Variants in VAV3 observed in about 807,000 individuals in gnomAD.
The protein encoded by VAV3 is vav guanine nucleotide exchange factor 3, also known as guanine nucleotide exchange factor VAV3.
VAV3 carries 94 observed loss-of-function variants against 131.2 expected under a neutral mutation model. That is an observed-to-expected ratio of 0.72 (90% confidence interval 0.61 to 0.85). VAV3 has a LOEUF of 0.85. Among genes scored for constraint, VAV3 ranks in the 40% least tolerant of loss-of-function variants. The probability of loss-of-function intolerance (pLI) is 0.00; values close to 1 mark genes in which losing one functional copy is unlikely to be tolerated. For missense variants in VAV3, 939 were observed against 1,002.7 expected, an observed-to-expected ratio of 0.94 and a Z score of 0.86; for synonymous variants, 349 against 342.0, an observed-to-expected ratio of 1.02 and a Z score of -0.22.
intron 18 of VAV3, among the ~76,000 whole-genome samples, chr1:107,684,217 C>T (rs1277392525): frequency 2.0e-5 from 3 of 152,216 alleles, no homozygotes; most frequent in Admixed American, 2.0e-4. Context: ...TGCATGGCTA[C>T]ATATTTTATT....
rs568031543 is a variant in VAV3, at chr1:107,961,193, T to C, written c.204+3473A>G. 5.9e-5 allele frequency among the ~76,000 whole-genome samples: 9 copies of C among 152,302 alleles called. No homozygotes were observed. The South Asian group carries it at 1.9e-3, about 32-fold the overall frequency. ...TGGCCACTAAACTCATTGACTGTAT[T>C]ACCCCTACTATAAAGCATAGTATAA... is the stretch of plus-strand genomic sequence containing the variant. On this transcript the variant is annotated intron_variant, in intron 1 of 26. Transcript: ENST00000370056.
chr1:107,724,723 G>C (rs1314861057), intron 15 of VAV3, among the ~76,000 whole-genome samples: 1 of 152,006 alleles, frequency 6.6e-6, no homozygotes, highest in Admixed American at 6.6e-5. Context: ...AACAGATCCC[G>C]AGCCAGTAAA....
At chr1:107,703,805 T>A (rs1052244069) in intron 17 of VAV3, among the ~76,000 whole-genome samples, 5 of 152,130 alleles carry the variant, frequency 3.3e-5, no homozygotes, top group African/African-American at 1.2e-4. Flanking sequence ...TTGAAAGGTC[T>A]TATTGATAAA....
intron 2 of VAV3, among the ~76,000 whole-genome samples, chr1:107,828,145 C>T (rs1302663334): frequency 6.6e-6 from 1 of 152,152 alleles, no homozygotes; most frequent in Non-Finnish European, 1.5e-5. Context: ...GCATTTAGCT[C>T]CTCTCTGGAA....
chr1:107,925,226 G>A (rs1472643458), intron 1 of VAV3, among the ~76,000 whole-genome samples: 1 of 152,134 alleles, frequency 6.6e-6, no homozygotes, highest in Non-Finnish European at 1.5e-5. Flanking sequence ...GAGGCCTGAG[G>A]GAGGGACCAA....
intron 19 of VAV3, among the ~76,000 whole-genome samples, chr1:107,682,553 G>T (rs562762633): frequency 1.2e-3 from 177 of 151,978 alleles, no homozygotes; most frequent in South Asian, 2.7e-3. Context: ...CTAGTCTCAG[G>T]ACACAAGTGA....
intron 15 of VAV3, among the ~76,000 whole-genome samples, chr1:107,738,329 T>G (rs1350587486): frequency 1.3e-5 from 2 of 152,130 alleles, no homozygotes; most frequent in Non-Finnish European, 2.9e-5. Flanking sequence ...GTTGTGCACA[T>G]GTACCCTAGA....
intron 1 of VAV3, among the ~76,000 whole-genome samples, chr1:107,921,080 A>G (rs1410393518): frequency 6.6e-6 from 1 of 152,224 alleles, no homozygotes; most frequent in Admixed American, 6.5e-5. Context: ...ATTCCAAAAC[A>G]AAATTCCAAT....
chr1:107,851,240 G>A (rs1006180503), intron 2 of VAV3, among the ~76,000 whole-genome samples: 8 of 151,182 alleles, frequency 5.3e-5, no homozygotes, highest in Non-Finnish European at 8.8e-5. Context: ...CATGAGAAGA[G>A]GGAAAGGAGA....
chr1:107,847,052 T>A (rs939637696), intron 2 of VAV3, among the ~76,000 whole-genome samples: 1 of 151,896 alleles, frequency 6.6e-6, no homozygotes, highest in Non-Finnish European at 1.5e-5. Context: ...TGTAAAATAA[T>A]GGAAATCATA....
In VAV3 at chr1:107,642,662, G is replaced by A; in HGVS notation, c.1871C>T (p.Thr624Ile). 1.9e-6 allele frequency: 3 copies of A among 1,613,268 alleles called. No individual in the cohort carries two copies. The highest frequency in any genetic ancestry group is 2.5e-6 in the Non-Finnish European group (3 of 1,179,574). The change falls in exon 20 of 27, where the codon ACC becomes ATC. Residue 624 changes from threonine to isoleucine, a missense_variant. By Grantham distance (89) the Thr-to-Ile change is moderately conservative. Coordinates refer to ENST00000370056, the MANE Select transcript of VAV3 (RefSeq NM_006113.5). The part of the protein sequence containing the change: ...GPPLQLQAGD[T>I]VELLKGDAHS... ...TGCATCTCCTTTCAGAAGTTCAACG[G>A]TATCCCCGGCCTGGAGCTGTAAAGG...
chr1:107,830,940 A>G (rs1668221786), intron 2 of VAV3, among the ~76,000 whole-genome samples: 1 of 152,250 alleles, frequency 6.6e-6, no homozygotes, highest in Non-Finnish European at 1.5e-5. Context: ...TGATTATTCC[A>G]AAACTTGTGA....
intron 2 of VAV3, among the ~76,000 whole-genome samples, chr1:107,870,685 T>C (rs1670213171): frequency 1.3e-5 from 2 of 152,126 alleles, no homozygotes; most frequent in Non-Finnish European, 2.9e-5. Context: ...CTCCCAATAA[T>C]GTTCTTACCT....
intron 4 of VAV3, among the ~76,000 whole-genome samples, chr1:107,775,505 G>A (rs1227665579): frequency 1.4e-5 from 2 of 148,020 alleles, no homozygotes; most frequent in Non-Finnish European, 3.0e-5. Flanking sequence ...TTGAACCCAG[G>A]AGGTGGAGGT....
rs180809235 is a variant in VAV3 at position 107,699,172 on chromosome 1, C to T, written c.1705+5378G>A. 3.3e-5 allele frequency among the ~76,000 whole-genome samples: 5 copies of T among 152,326 alleles called. No homozygotes were observed. The East Asian group carries it at 7.7e-4, about 24-fold the overall frequency. ...CATCTGAGACAAGGCAAGTCCCTTCCAACTATGAGCCAGTAAAATAAAAAA... is the reference window on the plus strand; with the variant it reads ...CATCTGAGACAAGGCAAGTCCCTTCTAACTATGAGCCAGTAAAATAAAAAA... On this transcript the variant is annotated intron_variant, in intron 17 of 26. Coordinates refer to ENST00000370056, the MANE Select transcript of VAV3 (RefSeq NM_006113.5).
intron 10 of VAV3, among the ~76,000 whole-genome samples, chr1:107,760,579 A>G (rs1336404620): frequency 6.6e-6 from 1 of 152,208 alleles, no homozygotes; most frequent in African/African-American, 2.4e-5. Flanking sequence ...ACAAAATGTG[A>G]TTTATGGCAG....
chr1:107,810,733 A>C (rs1039050656), intron 2 of VAV3, among the ~76,000 whole-genome samples: 17 of 152,294 alleles, frequency 1.1e-4, no homozygotes, highest in Non-Finnish European at 4.4e-5. Context: ...ATGTTACAGC[A>C]AGGCTCCAAA....
At chr1:107,616,224 T>C (rs1653143696) in intron 21 of VAV3, among the ~76,000 whole-genome samples, 1 of 152,190 alleles carries the variant, frequency 6.6e-6, no homozygotes, top group African/African-American at 2.4e-5. Context: ...AAAGAAAATA[T>C]GGTACATATA....
chr1:107,947,837 A>G (rs345282), intron 1 of VAV3, among the ~76,000 whole-genome samples: 145,857 of 152,260 alleles, frequency 0.96, 70,148 homozygotes, highest in East Asian at 1. Flanking sequence ...TCACTCAATG[A>G]CCATTCATGG....
Sources: gnomAD v4.1 joint callset for allele counts (sites outside exome capture counted in the v4.1 genomes callset) on GRCh38, gnomAD v4.1.1 for gene constraint, MANE v1.5 for transcripts, NCBI Gene and HGNC (gene_info 2026-07-23, HGNC 2026-07-21) for gene names.